Variants in CCDC30 observed in about 807,000 individuals in gnomAD.
The protein encoded by CCDC30 is coiled-coil domain-containing protein 30.
In CCDC30, 70 loss-of-function variants were observed where a neutral mutation model predicts 100.2. That is an observed-to-expected ratio of 0.70 (90% CI 0.58 to 0.85). The LOEUF (loss-of-function observed/expected upper bound fraction) is 0.85. Ranked by LOEUF, CCDC30 falls within the 40% of genes least tolerant of loss-of-function variation. The pLI is 0.00. For synonymous variants in CCDC30, 233 were observed against 269.5 expected (o/e 0.86, Z 1.33); for missense variants, 652 against 771.2 (o/e 0.85, Z 1.83).
At chr1:42,600,956 A>C (rs1209212276) in intron 10 of CCDC30, among the ~76,000 whole-genome samples, 1 of 151,638 alleles carries the variant, frequency 6.6e-6, no homozygotes, top group Non-Finnish European at 1.5e-5. Flanking sequence ...TCCCAGCCAT[A>C]CTTCCTGTAT....
At chr1:42,473,310 A>C in intron 1 of CCDC30, 1 of 1,215,210 alleles carries the variant, frequency 8.2e-7, no homozygotes, top group Non-Finnish European at 1.0e-6. Context: ...AGAAGTGAGA[A>C]CTAATAGCAT....
rs867889004 is a variant in CCDC30 at position 42,465,567 on chromosome 1, T to C, written c.-92+1669T>C. ...TTAGTAGAGACGGGGTTTCTCCACG[T>C]TGGTCAGGCTGAGTCTTGAACTCCT... is the stretch of plus-strand genomic sequence containing the variant. On this transcript the variant is annotated intron_variant, in intron 1 of 16. Transcript: ENST00000668663. 3.3e-5 allele frequency among the ~76,000 whole-genome samples: 5 copies of C among 152,094 alleles called. 1 individual carries two copies. Among genetic ancestry groups the C allele is most frequent in the African/African-American group, 1.2e-4 (5 of 41,398 alleles).
chr1:42,589,290 G>A (rs769159000), intron 9 of CCDC30, 31 bp from the exon 14 acceptor site: 10 of 1,516,932 alleles, frequency 6.6e-6, no homozygotes, highest in East Asian at 4.6e-5. Flanking sequence ...GCAATTCATG[G>A]TGTGATTTAA....
At chr1:42,616,499 C>T (rs1646729951) in intron 11 of CCDC30, among the ~76,000 whole-genome samples, 1 of 152,154 alleles carries the variant, frequency 6.6e-6, no homozygotes, top group African/African-American at 2.4e-5. Context: ...TTCCCTGATC[C>T]CAGTCCTGAC....
intron 6 of CCDC30, among the ~76,000 whole-genome samples, chr1:42,552,897 C>T (rs1319376500): frequency 6.6e-6 from 1 of 152,122 alleles, no homozygotes; most frequent in Non-Finnish European, 1.5e-5. Flanking sequence ...CACCTGGTCT[C>T]CCCTCACACT....
chr1:42,591,902 A>T (rs1646194100), intron 10 of CCDC30: 1 of 152,294 alleles, frequency 6.6e-6, no homozygotes, highest in South Asian at 2.1e-4. Context: ...TGGATGTGGG[A>T]CATGGAGTCA....
At chr1:42,539,245 A>C (rs770748400) in intron 6 of CCDC30, 27 of 1,610,836 alleles carry the variant, frequency 1.7e-5, no homozygotes, top group Non-Finnish European at 2.1e-5. Context: ...GGAATCAGAA[A>C]GCAAAGACCA....
chr1:42,638,157 G>T (rs967060135), intron 12 of CCDC30, among the ~76,000 whole-genome samples: 1 of 152,052 alleles, frequency 6.6e-6, no homozygotes, highest in Admixed American at 6.6e-5. Flanking sequence ...AAGCATTTTT[G>T]GAATATAATA....
upstream of CCDC30, among the ~76,000 whole-genome samples, chr1:42,461,791 C>T (rs778203435): frequency 2.6e-5 from 4 of 152,170 alleles, no homozygotes; most frequent in Admixed American, 2.0e-4. Context: ...GTGATCTGCC[C>T]GCCCCGGCCT....
At chr1:42,636,981 A>G (rs1181461986) in intron 11 of CCDC30, among the ~76,000 whole-genome samples, 3 of 150,508 alleles carry the variant, frequency 2.0e-5, no homozygotes, top group African/African-American at 7.3e-5. Context: ...AAAAAAAAAA[A>G]AAAAAAAAAA....
upstream of CCDC30, chr1:42,459,762 A>G: frequency 6.2e-7 from 1 of 1,614,202 alleles, no homozygotes; most frequent in African/African-American, 1.3e-5. Flanking sequence ...GGTGGTGGCT[A>G]ATATCCTTGA....
chr1:42,531,347 C>CCAGT (rs1490776993), intron 6 of CCDC30, among the ~76,000 whole-genome samples: 1 of 152,054 alleles, frequency 6.6e-6, no homozygotes, highest in Non-Finnish European at 1.5e-5. Context: ...TATAAATTAC[C>CCAGT]CAGTCTCAGG....
intron 10 of CCDC30, among the ~76,000 whole-genome samples, chr1:42,607,680 G>A (rs189135943): frequency 1.8e-4 from 28 of 152,100 alleles, no homozygotes; most frequent in African/African-American, 6.0e-4. Context: ...CAAAGGACAT[G>A]TATTAGTAAG....
intron 6 of CCDC30, among the ~76,000 whole-genome samples, chr1:42,554,917 G>A (rs557823507): frequency 2.6e-5 from 4 of 152,006 alleles, no homozygotes; most frequent in Admixed American, 2.6e-4. Flanking sequence ...ACGTTCTTCT[G>A]TGTCTGTATC....
At chr1:42,465,144 C>T (rs1193567404) in intron 1 of CCDC30, among the ~76,000 whole-genome samples, 1 of 152,096 alleles carries the variant, frequency 6.6e-6, no homozygotes, top group Non-Finnish European at 1.5e-5. Flanking sequence ...AAACCTGACT[C>T]TACAAAAAAT....
chr1:42,486,325 G>T (rs1644049701), intron 3 of CCDC30, among the ~76,000 whole-genome samples: 1 of 152,170 alleles, frequency 6.6e-6, no homozygotes, highest in African/African-American at 2.4e-5. Context: ...AGAAAGGACT[G>T]CTTATAACAG....
the CCDC30 span, chr1:42,457,080 G>T: frequency 6.3e-7 from 1 of 1,586,482 alleles, no homozygotes; most frequent in Non-Finnish European, 8.5e-7. Context: ...CTAGGTGCGT[G>T]CCCTAGGAGT....
chr1:42,460,168 A>T, upstream of CCDC30: 1 of 1,220,958 alleles, frequency 8.2e-7, no homozygotes, highest in Non-Finnish European at 1.0e-6. Context: ...ATTGGGAATT[A>T]TATATTCCTT....
intron 6 of CCDC30, among the ~76,000 whole-genome samples, chr1:42,557,622 TA>T: frequency 8.9e-6 from 1 of 112,404 alleles, no homozygotes; most frequent in East Asian, 2.8e-4. Flanking sequence ...TTTTAAACAA[TA>T]AAATATTTAA....
Sources: allele counts gnomAD v4.1 joint callset (sites outside exome capture counted in the v4.1 genomes callset), GRCh38; gene constraint gnomAD v4.1.1; transcripts MANE v1.5; gene names NCBI Gene and HGNC (gene_info 2026-07-23, HGNC 2026-07-21).